Variants in RORA observed in about 807,000 individuals in gnomAD.
RORA encodes nuclear receptor ROR-alpha.
Under a neutral mutation model 69.5 loss-of-function variants are expected in RORA, and 7 were observed. The ratio of observed to expected loss-of-function variants is 0.10; its 90% CI spans 0.06 to 0.19. The LOEUF (loss-of-function observed/expected upper bound fraction) is 0.19, where lower values mean the gene tolerates loss of function less well. Ranked by LOEUF, RORA falls within the 10% of genes least tolerant of loss-of-function variation. The probability of loss-of-function intolerance (pLI) is 1.00; values close to 1 mark genes in which losing one functional copy is unlikely to be tolerated. For missense variants in RORA, 457 were observed against 663.0 expected, an observed-to-expected ratio of 0.69 and a Z score of 3.41; for synonymous variants, 261 against 240.8, an observed-to-expected ratio of 1.08 and a Z score of -0.78.
intron 2 of RORA, among the ~76,000 whole-genome samples, chr15:60,607,166 T>C (rs974471353): frequency 5.9e-5 from 9 of 152,208 alleles, no homozygotes; most frequent in Admixed American, 5.2e-4. Flanking sequence ...TATGGCAGCA[T>C]GGAGCCATTT....
intron 4 of RORA, among the ~76,000 whole-genome samples, chr15:60,512,462 C>G (rs576857264): frequency 3.5e-4 from 53 of 152,110 alleles, no homozygotes; most frequent in African/African-American, 1.3e-3. Flanking sequence ...AATTTTTTCA[C>G]TTTATGTAGA....
At position 60,559,206 on chromosome 15, in the gene RORA, G is replaced by A. The variant is rs982410199; in HGVS notation, c.197-27355C>T. ...AAAGTATAAAATTATTGTATATGCT[G>A]TAATGCTCTGAAGGCCTTCTAAGAT... On this transcript the variant is annotated intron_variant, in intron 2 of 10. Transcript: ENST00000335670. 2.0e-5 allele frequency among the ~76,000 whole-genome samples: 3 copies of A among 152,204 alleles called. No homozygotes were observed. In the South Asian group the frequency reaches 6.2e-4, roughly 32 times the overall value.
chr15:61,033,412 A>AAAAAC lies in RORA; in HGVS notation c.166+195640_166+195641insGTTTT, dbSNP rs1313567253. 1.0e-4 allele frequency among the ~76,000 whole-genome samples: 10 copies of AAAAAC among 95,676 alleles called. No individual in the cohort carries two copies. In the South Asian group the frequency reaches 3.7e-3, roughly 35 times the overall value. The allele number at this position is 95,676 out of a possible 152,430, so 62.8% of individuals were successfully genotyped here. ...CCAAATTTATAGCTTTATTCTGAAA[A>AAAAAC]AAAAAACAAAAACCAGTTTTGCTCT... On this transcript the variant is annotated intron_variant, in intron 1 of 10. Transcript: ENST00000335670.
chr15:60,504,491 G>A (rs182093497), intron 6 of RORA, among the ~76,000 whole-genome samples: 2 of 152,276 alleles, frequency 1.3e-5, no homozygotes, highest in Admixed American at 1.3e-4. Context: ...AGGTTGCAGT[G>A]AGCCGAGATT....
chr15:60,511,406 C>A lies in RORA; in HGVS notation c.640G>T (p.Ala214Ser). 2 of 1,614,198 alleles carry A rather than the reference C, an allele frequency of 1.2e-6. No homozygotes were observed. The highest frequency in any genetic ancestry group is 1.7e-6 in the Non-Finnish European group (2 of 1,180,038). Reference sequence around the variant, plus strand: ...TAGAAGCTGCTGACGGCGGAGTCTGCCTTACTCCCCTCAGGGGTGTGCCCG... The same window carrying A: ...TAGAAGCTGCTGACGGCGGAGTCTGACTTACTCCCCTCAGGGGTGTGCCCG... ...IDGHTPEGSK[A>S]DSAVSSFYLD... Residue 214 changes from alanine (A) to serine (S), a missense_variant, in exon 5 of 11, where the codon GCA becomes TCA. Ala to Ser is a moderately conservative substitution (Grantham distance 99). This residue lies in a region of RORA where 304 missense variants were observed against 447.4 expected (regional missense o/e 0.68). Transcript: ENST00000335670. This position sits in a 1 kb window ranked among gnomAD's most constrained non-coding sequence, Gnocchi z 6.4.
intron 1 of RORA, among the ~76,000 whole-genome samples, chr15:61,197,985 G>A (rs1243907265): frequency 6.6e-6 from 1 of 152,132 alleles, no homozygotes; most frequent in Admixed American, 6.5e-5. Flanking sequence ...AAGGATGTGA[G>A]TAGACTCGAA....
At chr15:60,752,061 G>A (rs1476963666) in intron 1 of RORA, among the ~76,000 whole-genome samples, 1 of 151,890 alleles carries the variant, frequency 6.6e-6, no homozygotes, top group Non-Finnish European at 1.5e-5. Flanking sequence ...AGGATCATCC[G>A]AGCTAGGCTG....
chr15:60,866,820 T>TTATCTATCTATCTATCTATCTATC (rs535434841), intron 1 of RORA, among the ~76,000 whole-genome samples: 49 of 146,790 alleles, frequency 3.3e-4, no homozygotes, highest in Non-Finnish European at 4.8e-4. Context: ...TATCTTATCT[T>TTATCTATCTATCTATCTATCTATC]TATCTATCTA....
At chr15:60,604,590 G>T (rs140934904) in intron 2 of RORA, among the ~76,000 whole-genome samples, 1 of 151,844 alleles carries the variant, frequency 6.6e-6, no homozygotes, top group Non-Finnish European at 1.5e-5. Context: ...TGTCTTACTC[G>T]CCATTGTATT....
chr15:61,118,686 G>T (rs972524706), intron 1 of RORA, among the ~76,000 whole-genome samples: 2 of 152,092 alleles, frequency 1.3e-5, no homozygotes, highest in African/African-American at 4.8e-5. Context: ...CAATGGTGGG[G>T]GATCGCGTTT....
intron 1 of RORA, among the ~76,000 whole-genome samples, chr15:61,051,545 G>A (rs1897290244): frequency 6.6e-6 from 1 of 152,140 alleles, no homozygotes; most frequent in African/African-American, 2.4e-5. Flanking sequence ...CTCTGTATTG[G>A]CACCTTCTGG....
At position 60,823,521 on chromosome 15, in the gene RORA, T is replaced by A. The variant is rs114209024; in HGVS notation, c.167-144835A>T. Among the ~76,000 whole-genome samples the A allele has an allele frequency of 4.3e-3, 653 of 152,344 alleles. 2 individuals are homozygous for A. The highest frequency in any genetic ancestry group is 0.015 in the African/African-American group (627 of 41,574). On this transcript the variant is annotated intron_variant, in intron 1 of 10. Coordinates refer to ENST00000335670, the MANE Select transcript of RORA (RefSeq NM_134261.3). ...TGTGTTACTCAGCACACCTCATGCC[T>A]GGCACACAGTGGGCACTCAATACAC...
chr15:61,030,906 A>G (rs1170589639), intron 1 of RORA, among the ~76,000 whole-genome samples: 2 of 152,236 alleles, frequency 1.3e-5, no homozygotes, highest in Admixed American at 1.3e-4. Context: ...CAAAACTATG[A>G]AAGTCAGTTT....
At chr15:60,878,656 T>A (rs1037456489) in intron 1 of RORA, among the ~76,000 whole-genome samples, 1 of 152,214 alleles carries the variant, frequency 6.6e-6, no homozygotes, top group African/African-American at 2.4e-5. Flanking sequence ...CTTAGCTAAA[T>A]CTTAACTTAC....
rs1198953660 is a variant in RORA at position 60,515,957 on chromosome 15, T to A, written c.283-1200A>T. 1.5e-3 allele frequency among the ~76,000 whole-genome samples: 26 copies of A among 17,592 alleles called. 3 individuals are homozygous for A. The highest frequency in any genetic ancestry group is 6.5e-3 in the African/African-American group (26 of 4,018). The allele number at this position is 17,592 out of a possible 152,430, so 11.5% of individuals were successfully genotyped here. On this transcript the variant is annotated intron_variant, in intron 3 of 10. Coordinates refer to ENST00000335670, the MANE Select transcript of RORA (RefSeq NM_134261.3). Reference sequence around the variant, plus strand: ...TATATATTTATATATATTTATATATTTATATTTATATATATTTATATATTT... The same window carrying A: ...TATATATTTATATATATTTATATATATATATTTATATATATTTATATATTT...
At chr15:60,685,555 C>T (rs1272932665) in intron 1 of RORA, among the ~76,000 whole-genome samples, 1 of 152,164 alleles carries the variant, frequency 6.6e-6, no homozygotes, top group Non-Finnish European at 1.5e-5. Flanking sequence ...GAGGCGGATC[C>T]GGAACACAGC....
intron 1 of RORA, chr15:60,848,537 C>T (rs116850040): frequency 0.016 from 2,374 of 152,344 alleles, 24 homozygotes; most frequent in Non-Finnish European, 0.023. Flanking sequence ...GAATGCAGGA[C>T]TCCAACCTGT....
chr15:61,008,259 A>C (rs1314128833), intron 1 of RORA, among the ~76,000 whole-genome samples: 2 of 151,734 alleles, frequency 1.3e-5, no homozygotes, highest in Admixed American at 1.3e-4. Context: ...AATGAACGAC[A>C]AAAAATGAAA....
chr15:60,519,285 AT>A (rs1227850975), intron 3 of RORA, among the ~76,000 whole-genome samples: 6 of 152,056 alleles, frequency 3.9e-5, no homozygotes, highest in African/African-American at 1.2e-4. Context: ...TAGGCACTCT[AT>A]GCTTTATGTG....
Sources: gnomAD v4.1 joint callset for allele counts (sites outside exome capture counted in the v4.1 genomes callset) on GRCh38, gnomAD v4.1.1 for gene constraint, gnomAD v4.1.1 regional missense constraint, Gnocchi (gnomAD v3.1) non-coding constraint, MANE v1.5 for transcripts, NCBI Gene and HGNC (gene_info 2026-07-23, HGNC 2026-07-21) for gene names.